The following PRKD2 variants were observed in gnomAD, a reference collection of about 807,000 sequenced individuals.
PRKD2 encodes the protein serine/threonine-protein kinase D2.
PRKD2 carries 22 observed loss-of-function variants against 86.0 expected under a neutral mutation model. That is an observed-to-expected ratio of 0.26 (90% CI 0.18 to 0.37). The LOEUF (loss-of-function observed/expected upper bound fraction) is 0.37. Ranked by LOEUF, PRKD2 falls within the 10% of genes least tolerant of loss-of-function variation. The pLI is 1.00. For synonymous variants in PRKD2, 509 were observed against 510.9 expected, an observed-to-expected ratio of 1.00 and a Z score of 0.05; for missense variants, 818 against 1,199.2, an observed-to-expected ratio of 0.68 and a Z score of 4.70.
chr19:46,694,402 C>A (rs2053527416), intron 9 of PRKD2, among the ~76,000 whole-genome samples: 1 of 151,900 alleles, frequency 6.6e-6, no homozygotes, highest in Non-Finnish European at 1.5e-5. Flanking sequence ...CGAGACCAGC[C>A]TGGCCAACAT....
At chr19:46,715,992 G>C (rs2053876440) in intron 1 of PRKD2, 139 bp downstream of exon 1, 1 of 1,321,644 alleles carries the variant, frequency 7.6e-7, no homozygotes, top group South Asian at 1.6e-5. Context: ...ATGGAGGGGG[G>C]CAATGCCCCC....
At chr19:46,707,327 C>G (rs1156844913) in intron 3 of PRKD2, among the ~76,000 whole-genome samples, 1 of 152,052 alleles carries the variant, frequency 6.6e-6, no homozygotes, top group Non-Finnish European at 1.5e-5. Context: ...CGCATGGGGC[C>G]CAGCGCAGTG....
chr19:46,701,701 C>G (rs1757702497), intron 5 of PRKD2, among the ~76,000 whole-genome samples: 1 of 151,618 alleles, frequency 6.6e-6, no homozygotes, highest in Admixed American at 6.6e-5. Context: ...TGTGCTGTGA[C>G]TCCAGACTCT....
intron 13 of PRKD2, 63 bp downstream of exon 13, chr19:46,690,537 C>CA: frequency 6.6e-7 from 1 of 1,524,628 alleles, no homozygotes; most frequent in Non-Finnish European, 9.1e-7. Context: ...CTGACCACCC[C>CA]TACACTGGGT....
At position 46,696,400 on chromosome 19, in the gene PRKD2, G is replaced by A. The variant is rs189067594; in HGVS notation, c.1317+757C>T. 7.2e-5 allele frequency among the ~76,000 whole-genome samples: 11 copies of A among 152,256 alleles called. No individual in the cohort carries two copies. In the East Asian group the frequency reaches 1.9e-3, roughly 27 times the overall value. Reference sequence around the variant, plus strand: ...GAAACCATCCAGGTGGAAGACAGTGGCTGGGACACAGTGTGGGCATGGGAG... The same window carrying A: ...GAAACCATCCAGGTGGAAGACAGTGACTGGGACACAGTGTGGGCATGGGAG... On this transcript the variant is annotated intron_variant, in intron 9 of 17. Coordinates refer to ENST00000291281, the MANE Select transcript of PRKD2 (RefSeq NM_016457.5).
At position 46,678,781 on chromosome 19, in the gene PRKD2, G is replaced by A; in HGVS notation, c.2071-118C>T. The A allele has an allele frequency of 8.0e-7, 1 of 1,253,238 alleles. No homozygotes were observed. Among genetic ancestry groups the A allele is most frequent in the Non-Finnish European group, 1.1e-6 (1 of 921,376 alleles). The allele number at this position is 1,253,238 out of a possible 1,614,324, so 77.6% of individuals were successfully genotyped here. ...AAAGCTGGATGCTGGTTTGAATCCAGGCTCCTTGGCTCACTAGCTGAGCAA... is the reference window on the plus strand; with the variant it reads ...AAAGCTGGATGCTGGTTTGAATCCAAGCTCCTTGGCTCACTAGCTGAGCAA... On this transcript the variant is annotated intron_variant, in intron 15 of 17. Coordinates refer to ENST00000291281, the MANE Select transcript of PRKD2 (RefSeq NM_016457.5). The surrounding 1 kb of genome is among the most constrained non-coding windows in gnomAD (Gnocchi z 5.7).
chr19:46,676,782 G>A (rs2122539208), intron 16 of PRKD2, among the ~76,000 whole-genome samples: 1 of 152,316 alleles, frequency 6.6e-6, no homozygotes, highest in East Asian at 1.9e-4. Context: ...AATGCTGGCG[G>A]GGTGTGATGG....
chr19:46,715,599 A>AC (rs1408818448), intron 1 of PRKD2, among the ~76,000 whole-genome samples: 1 of 152,188 alleles, frequency 6.6e-6, no homozygotes. Context: ...GAAAGGGAAT[A>AC]GAGTCCCCAG....
intron 10 of PRKD2, among the ~76,000 whole-genome samples, chr19:46,692,251 T>A (rs2053494303): frequency 6.6e-6 from 1 of 151,992 alleles, no homozygotes. Flanking sequence ...ATGTTACAGA[T>A]GATTTTGCTG....
rs949812025 is a variant in PRKD2 at position 46,704,567 on chromosome 19, G to A, written c.594C>T (p.Ser198=). 4 of 1,614,106 alleles carry A rather than the reference G, an allele frequency of 2.5e-6. No individual in the cohort carries two copies. Among genetic ancestry groups the A allele is most frequent in the Non-Finnish European group, 3.4e-6 (4 of 1,180,004 alleles). ...CCGAGTGGCCACTGGCCAGAGACGT[G>A]GATGACAGGCGCCGTTTGCGGGCCC... ...CSGARKRRLS[S]TSLASGHSVR... is the part of the protein sequence containing the mutation. The change falls in exon 4 of 18, where the codon TCC becomes TCT. Residue 198 remains serine, a synonymous_variant. Transcript: ENST00000291281.
intron 1 of PRKD2, chr19:46,714,546 T>G (rs1263448223): frequency 7.3e-6 from 1 of 136,926 alleles, no homozygotes; most frequent in Non-Finnish European, 1.6e-5. Context: ...CACCCAATGC[T>G]CAAAGGACCC....
In PRKD2 at chr19:46,693,358, G is replaced by A. The variant is rs2053509710; in HGVS notation, c.1576+517C>T. Among the ~76,000 whole-genome samples the A allele has an allele frequency of 6.6e-6, 1 of 152,194 alleles. No individual in the cohort carries two copies. The highest frequency in any genetic ancestry group is 6.6e-5 in the Admixed American group (1 of 15,264). ...GTGCATGAGGACTTATCAGCACCTG[G>A]GACAAGGCTCATGGAGGGGAAGTGA... On this transcript the variant is annotated intron_variant, in intron 10 of 17. Transcript: ENST00000291281. The surrounding 1 kb of genome is among the most constrained non-coding windows in gnomAD (Gnocchi z 4.5).
Position 46,675,096 on chromosome 19 carries a change from C to T in PRKD2, c.2361G>A (p.Leu787=), listed in dbSNP as rs752652778. 8 of 1,611,312 alleles carry T rather than the reference C, an allele frequency of 5.0e-6. No homozygotes were observed. Among genetic ancestry groups the T allele is most frequent in the Admixed American group, 1.7e-5 (1 of 59,688 alleles). The change falls in exon 17 of 18, where the codon CTG becomes CTA. Residue 787 remains leucine (L), a synonymous_variant. Coordinates refer to ENST00000291281, the MANE Select transcript of PRKD2 (RefSeq NM_016457.5). The part of the protein sequence containing the change: ...SAGAIDLINN[L]LQVKMRKRYS... ...AGCGTTTGCGCATCTTCACCTGCAGCAGGTTGTTGATGAGGTCAATGGCTG... is the reference window on the plus strand; with the variant it reads ...AGCGTTTGCGCATCTTCACCTGCAGTAGGTTGTTGATGAGGTCAATGGCTG...
chr19:46,701,707 A>G (rs2053638001), intron 5 of PRKD2, among the ~76,000 whole-genome samples: 1 of 151,252 alleles, frequency 6.6e-6, no homozygotes, highest in Non-Finnish European at 1.5e-5. Context: ...GTGACTCCAG[A>G]CTCTGAACAC....
Position 46,704,459 on chromosome 19 carries a change from CT to C in PRKD2, c.666+35del, listed in dbSNP as rs977636293. On this transcript the variant is annotated intron_variant, in intron 4 of 17. Transcript: ENST00000291281. ...CCCATGCCTGGGCCAAGTCACCCCCCTAGCCACCAACCCGTCCCATCCCCCA... is the reference window on the plus strand; with the variant it reads ...CCCATGCCTGGGCCAAGTCACCCCCCAGCCACCAACCCGTCCCATCCCCCA... 6.8e-6 allele frequency: 11 copies of C among 1,613,830 alleles called. No homozygotes were observed. The African/African-American group carries it at 1.3e-4, about 20-fold the overall frequency.
chr19:46,687,455 T>C (rs990458781), intron 14 of PRKD2, among the ~76,000 whole-genome samples: 1 of 152,090 alleles, frequency 6.6e-6, no homozygotes, highest in Non-Finnish European at 1.5e-5. Context: ...ACAAATGAGT[T>C]TGACATCACT....
chr19:46,693,740 C>T lies in PRKD2; in HGVS notation c.1576+135G>A, dbSNP rs2053514455. 3 of 1,318,408 alleles carry T rather than the reference C, an allele frequency of 2.3e-6. No individual in the cohort carries two copies. The highest frequency in any genetic ancestry group is 2.8e-4 in the Middle Eastern group (1 of 3,630). 81.7% of individuals were successfully genotyped at this position (1,318,408 alleles called of 1,614,324 possible). ...AGGAGTGATTAACAGAGTTTGAACC[C>T]AGGCCTGCTGAGTCCAGAAGCTGCG... On this transcript the variant is annotated intron_variant, in intron 10 of 17. Coordinates refer to ENST00000291281, the MANE Select transcript of PRKD2 (RefSeq NM_016457.5). This position sits in a 1 kb window ranked among gnomAD's most constrained non-coding sequence, Gnocchi z 4.5.
At chr19:46,691,881 C>T in intron 11 of PRKD2, 52 bp downstream of exon 11, 1 of 1,610,850 alleles carries the variant, frequency 6.2e-7, no homozygotes, top group South Asian at 1.1e-5. Context: ...GACGAGAGAG[C>T]TGAGGAGGGT....
chr19:46,700,715 C>A (rs1166143483), intron 7 of PRKD2, 84 bp downstream of exon 7: 39 of 1,503,886 alleles, frequency 2.6e-5, no homozygotes, highest in Non-Finnish European at 3.5e-5. Flanking sequence ...GAGGTGATGT[C>A]AGCCCATTGT....
Sources: allele counts gnomAD v4.1 joint callset (sites outside exome capture counted in the v4.1 genomes callset), GRCh38; gene constraint gnomAD v4.1.1; non-coding constraint Gnocchi (gnomAD v3.1); transcripts MANE v1.5; gene names NCBI Gene and HGNC (gene_info 2026-07-23, HGNC 2026-07-21).